MTERF4: variants seen among roughly 807,000 people sequenced by gnomAD.
MTERF4 encodes the protein transcription termination factor 4, mitochondrial.
A neutral mutation model predicts 22.5 loss-of-function variants in MTERF4; 17 were observed. The ratio of observed to expected loss-of-function variants is 0.75; its 90% CI spans 0.52 to 1.13. The LOEUF is 1.13. Ranked by LOEUF, MTERF4 falls within the 50% of genes most tolerant of loss-of-function variation. The probability of loss-of-function intolerance (pLI) is 0.00; values close to 1 mark genes in which losing one functional copy is unlikely to be tolerated. For missense variants in MTERF4, 420 were observed against 466.8 expected (o/e 0.90, Z 0.92); for synonymous variants, 165 against 175.3 (o/e 0.94, Z 0.47).
At chr2:241,087,483 T>C, downstream of MTERF4, 1 of 1,597,026 alleles carries the variant, frequency 6.3e-7, no homozygotes, top group Non-Finnish European at 8.5e-7. Context: ...CAGGTGCCTC[T>C]GGGGAGCAGG....
downstream of MTERF4, chr2:241,093,020 G>C (rs1271198307): frequency 6.6e-6 from 1 of 152,218 alleles, no homozygotes; most frequent in Non-Finnish European, 1.5e-5. Context: ...GTTTTTTGAA[G>C]AGTTAGAGTA....
At chr2:241,082,774 T>A (rs986875223), downstream of MTERF4, among the ~76,000 whole-genome samples, 3 of 152,248 alleles carry the variant, frequency 2.0e-5, no homozygotes, top group Non-Finnish European at 4.4e-5. Context: ...TGATGTGGCC[T>A]TAGGCCCCCC....
At chr2:241,087,448 G>A (rs1169788978), downstream of MTERF4, 3 of 1,603,118 alleles carry the variant, frequency 1.9e-6, no homozygotes, top group Non-Finnish European at 2.6e-6. Flanking sequence ...AGCTGTGAAA[G>A]CACAAGCCTC....
At chr2:241,101,443 C>A (rs2064703233) in intron 1 of MTERF4, among the ~76,000 whole-genome samples, 1 of 152,266 alleles carries the variant, frequency 6.6e-6, no homozygotes, top group African/African-American at 2.4e-5. Context: ...TCCTGCTGTG[C>A]AGCCTGGTTC....
At chr2:241,077,992 T>C (rs988604669) in intron 4 of MTERF4, among the ~76,000 whole-genome samples, 1 of 151,462 alleles carries the variant, frequency 6.6e-6, no homozygotes, top group Non-Finnish European at 1.5e-5. Flanking sequence ...CCAAGAGAAA[T>C]GAAAACCTAT....
chr2:241,049,002 G>T, the MTERF4 span: 1 of 1,586,932 alleles, frequency 6.3e-7, no homozygotes, highest in Non-Finnish European at 8.6e-7. Flanking sequence ...ATGGGATGGG[G>T]CTTCCTCCTT....
chr2:241,072,584 A>AG (rs1365996068), exon 5 of MTERF4: 1 of 267,232 alleles, frequency 3.7e-6, no homozygotes, highest in Non-Finnish European at 7.2e-6. Context: ...CCTCAGGCAG[A>AG]GGAGGGAGGG....
chr2:241,049,766 C>T, the MTERF4 span: 27 of 1,449,184 alleles, frequency 1.9e-5, 1 homozygote, highest in Middle Eastern at 1.6e-3. Context: ...TCTTGCCGCC[C>T]GCACAGATGC....
downstream of MTERF4, chr2:241,070,288 C>G (rs1055660998): frequency 2.5e-5 from 35 of 1,373,174 alleles, no homozygotes; most frequent in Non-Finnish European, 3.4e-5. Context: ...CTGCAGGGGC[C>G]TGGGATGCCA....
chr2:241,070,210 C>T (rs371448662), downstream of MTERF4: 45 of 1,598,126 alleles, frequency 2.8e-5, no homozygotes, highest in East Asian at 4.5e-5. Flanking sequence ...CTGTGAGTGC[C>T]GTGGGCCCTG....
chr2:241,051,981 G>A, the MTERF4 span: 1 of 1,534,636 alleles, frequency 6.5e-7, no homozygotes, highest in Non-Finnish European at 9.0e-7. This position sits in a 1 kb window ranked among gnomAD's most constrained non-coding sequence, Gnocchi z 4.7. Flanking sequence ...CCAGCTCTGG[G>A]ATGTTGGGGA....
At chr2:241,070,628 G>A (rs1280595624), downstream of MTERF4, among the ~76,000 whole-genome samples, 1 of 152,230 alleles carries the variant, frequency 6.6e-6, no homozygotes, top group African/African-American at 2.4e-5. Context: ...TGCAAGGCAG[G>A]CAGGAATGCT....
chr2:241,098,345 T>G (rs1037891912), intron 2 of MTERF4, among the ~76,000 whole-genome samples: 1 of 152,216 alleles, frequency 6.6e-6, no homozygotes, highest in Non-Finnish European at 1.5e-5. Context: ...GAAGGAGGCC[T>G]GTAGAGATGC....
chr2:241,065,960 G>C, the MTERF4 span, among the ~76,000 whole-genome samples: 2 of 152,132 alleles, frequency 1.3e-5, no homozygotes, highest in Non-Finnish European at 2.9e-5. Context: ...GGCTTGGGGG[G>C]GCTGGGACTC....
Position 241,102,260 on chromosome 2 carries a change from C to T in MTERF4, c.14G>A (p.Gly5Asp). MAAF[G>D]RQVLDWHRLI... ...CGCCCAGCTCGAGCTTACCTGACGG[C>T]CGAACGCAGCCATAGCGCGGAGAAG... Residue 5 changes from glycine (G) to aspartate (D), a missense_variant, in exon 1 of 4, where the codon GGC becomes GAC. Transcript: ENST00000391980. 1.3e-6 allele frequency: 2 copies of T among 1,549,420 alleles called. No individual in the cohort carries two copies. The highest frequency in any genetic ancestry group is 8.7e-7 in the Non-Finnish European group (1 of 1,146,134).
chr2:241,062,028 A>G, the MTERF4 span, among the ~76,000 whole-genome samples: 1 of 152,214 alleles, frequency 6.6e-6, no homozygotes, highest in Non-Finnish European at 1.5e-5. Flanking sequence ...TTCTTCATAT[A>G]ATGCTGAGAG....
At position 241,096,403 on chromosome 2, in the gene MTERF4, G is replaced by A; in HGVS notation, c.741C>T (p.Asp247=). 6.2e-7 allele frequency: 1 copy of A among 1,614,166 alleles called. No homozygotes were observed. Among genetic ancestry groups the A allele is most frequent in the Non-Finnish European group, 8.5e-7 (1 of 1,180,028 alleles). ...AYFRMGIKHP[D]IVKSEYLQYS... ...ACTGCAAGTACTCACTCTTTACAATGTCTGGATGCTTAATTCCCATCCTGA... is the reference window on the plus strand; with the variant it reads ...ACTGCAAGTACTCACTCTTTACAATATCTGGATGCTTAATTCCCATCCTGA... The change falls in exon 4 of 4, where the codon GAC becomes GAT. Residue 247 remains aspartate (D), a synonymous_variant. Coordinates refer to ENST00000391980, the MANE Select transcript of MTERF4 (RefSeq NM_182501.4). This position sits in a 1 kb window ranked among gnomAD's most constrained non-coding sequence, Gnocchi z 5.1.
chr2:241,069,048 G>C (rs2062589086), downstream of MTERF4: 6 of 1,476,804 alleles, frequency 4.1e-6, no homozygotes, highest in Non-Finnish European at 5.5e-6. The surrounding 1 kb of genome is among the most constrained non-coding windows in gnomAD (Gnocchi z 4.9). Context: ...GCGGCCCCCG[G>C]CACACGAAAG....
the MTERF4 span, chr2:241,064,693 G>A: frequency 3.4e-6 from 2 of 587,070 alleles, no homozygotes; most frequent in East Asian, 3.2e-5. The surrounding 1 kb of genome is among the most constrained non-coding windows in gnomAD (Gnocchi z 7.0). Flanking sequence ...CAGTGGAGGT[G>A]GCAGAACCGA....
Sources: gnomAD v4.1 joint callset for allele counts (sites outside exome capture counted in the v4.1 genomes callset) on GRCh38, gnomAD v4.1.1 for gene constraint, Gnocchi (gnomAD v3.1) non-coding constraint, MANE v1.5 for transcripts, NCBI Gene and HGNC (gene_info 2026-07-23, HGNC 2026-07-21) for gene names.